ZFP64: variants seen among roughly 807,000 people sequenced by gnomAD.
ZFP64 encodes zinc finger protein 64.
A neutral mutation model predicts 51.6 loss-of-function variants in ZFP64; 14 were observed. The ratio of observed to expected loss-of-function variants is 0.27; its 90% confidence interval spans 0.18 to 0.42. The LOEUF is 0.42. Ranked by LOEUF, ZFP64 falls within the 10% of genes least tolerant of loss-of-function variation. ZFP64 has a pLI of 1.00. For missense variants in ZFP64, 754 were observed against 906.8 expected, an observed-to-expected ratio of 0.83 and a Z score of 2.16; for synonymous variants, 375 against 361.4, an observed-to-expected ratio of 1.04 and a Z score of -0.43.
intron 2 of ZFP64, among the ~76,000 whole-genome samples, chr20:52,173,599 CA>C (rs1982928260): frequency 6.6e-6 from 1 of 151,492 alleles, no homozygotes; most frequent in African/African-American, 2.4e-5. Context: ...AAAAACAAAA[CA>C]AAAAACTTCC....
At chr20:52,101,292 C>A (rs960665299) in intron 5 of ZFP64, among the ~76,000 whole-genome samples, 1 of 152,170 alleles carries the variant, frequency 6.6e-6, no homozygotes, top group Non-Finnish European at 1.5e-5. Flanking sequence ...GTTTCCCAGG[C>A]CTTACCCTAT....
intron 7 of ZFP64, among the ~76,000 whole-genome samples, chr20:52,092,011 A>T (rs1275412055): frequency 6.6e-6 from 1 of 151,882 alleles, no homozygotes; most frequent in African/African-American, 2.4e-5. Context: ...CAAACAAAAA[A>T]CCTATAGTCT....
chr20:52,092,572 G>A (rs1412027570), intron 7 of ZFP64, among the ~76,000 whole-genome samples: 3 of 152,180 alleles, frequency 2.0e-5, no homozygotes, highest in Non-Finnish European at 2.9e-5. Flanking sequence ...AAAACAGGCC[G>A]GGTGCAGTGG....
chr20:52,190,566 A>C (rs1296729670), intron 1 of ZFP64, among the ~76,000 whole-genome samples: 1 of 152,106 alleles, frequency 6.6e-6, no homozygotes, highest in African/African-American at 2.4e-5. Context: ...GTCCCCCAGC[A>C]TGTTACCTGC....
chr20:52,136,052 T>G (rs1374537408), intron 5 of ZFP64, among the ~76,000 whole-genome samples: 2 of 117,370 alleles, frequency 1.7e-5, no homozygotes, highest in African/African-American at 6.6e-5. Context: ...TGAGCCGAAA[T>G]CACACCACTG....
intron 5 of ZFP64, chr20:52,098,594 T>C (rs756701479): frequency 5.0e-6 from 8 of 1,614,070 alleles, no homozygotes; most frequent in South Asian, 1.1e-5. Flanking sequence ...GAAGCTGAAA[T>C]TGAGGCATAG....
chr20:52,155,202 T>G (rs1039527161), intron 5 of ZFP64, among the ~76,000 whole-genome samples: 2 of 152,150 alleles, frequency 1.3e-5, no homozygotes, highest in South Asian at 4.2e-4. Context: ...TAAAGAAGAG[T>G]GTAAAAGATA....
intron 8 of ZFP64, among the ~76,000 whole-genome samples, chr20:52,086,644 A>C (rs2078868059): frequency 6.6e-6 from 1 of 151,618 alleles, no homozygotes; most frequent in Non-Finnish European, 1.5e-5. Flanking sequence ...CGCCCAGCTA[A>C]TTTTTTTGTA....
At chr20:52,172,563 C>T (rs545971583) in intron 2 of ZFP64, among the ~76,000 whole-genome samples, 40 of 152,082 alleles carry the variant, frequency 2.6e-4, no homozygotes, top group African/African-American at 6.5e-4. Flanking sequence ...GAAGGTGAAA[C>T]GCCCCACATC....
chr20:52,115,722 G>T (rs995603845), intron 5 of ZFP64, among the ~76,000 whole-genome samples: 16 of 151,658 alleles, frequency 1.1e-4, no homozygotes, highest in African/African-American at 3.9e-4. Flanking sequence ...GCCTGTACTG[G>T]CTACATCTTA....
chr20:52,143,889 C>T (rs1187028579), intron 5 of ZFP64, among the ~76,000 whole-genome samples: 2 of 142,494 alleles, frequency 1.4e-5, no homozygotes, highest in Admixed American at 7.2e-5. Context: ...GATAGTGTTG[C>T]AAATAACTCA....
intron 2 of ZFP64, chr20:52,175,886 A>C: frequency 2.1e-6 from 2 of 957,592 alleles, no homozygotes; most frequent in Non-Finnish European, 2.4e-6. Flanking sequence ...AAAATAATTC[A>C]TTTTCTGAGA....
intron 5 of ZFP64, among the ~76,000 whole-genome samples, chr20:52,118,125 C>G: frequency 6.6e-6 from 1 of 152,204 alleles, no homozygotes; most frequent in Non-Finnish European, 1.5e-5. Context: ...GAAAAAGAAA[C>G]TAGTTAAGTT....
intron 5 of ZFP64, among the ~76,000 whole-genome samples, chr20:52,145,206 T>A (rs1359327724): frequency 6.6e-6 from 1 of 152,248 alleles, no homozygotes; most frequent in Non-Finnish European, 1.5e-5. Flanking sequence ...ATACAGTCGT[T>A]GCCACTTATC....
intron 5 of ZFP64, among the ~76,000 whole-genome samples, chr20:52,126,975 G>A (rs78271456): frequency 7.0e-6 from 1 of 142,860 alleles, no homozygotes; most frequent in Non-Finnish European, 1.5e-5. Flanking sequence ...TTTTTTTTAA[G>A]ACAGTCTTGC....
chr20:52,085,958 C>G lies in ZFP64; in HGVS notation c.1229-692G>C, dbSNP rs113450524. On this transcript the variant is annotated intron_variant, in intron 8 of 8. Coordinates refer to the ZFP64 transcript ENST00000361387. This position sits in a 1 kb window ranked among gnomAD's most constrained non-coding sequence, Gnocchi z 4.3. ...AGATAAGCATCTTATCCTACACACC[C>G]ATCCTTTCCCTAACCTCTCCCCTGC... Among the ~76,000 whole-genome samples the G allele has an allele frequency of 3.3e-4, 50 of 152,172 alleles. 1 individual carries two copies. Among genetic ancestry groups the G allele is most frequent in the Non-Finnish European group, 6.9e-4 (47 of 68,032 alleles).
At chr20:52,124,842 G>A (rs1023582350) in intron 5 of ZFP64, among the ~76,000 whole-genome samples, 3 of 151,716 alleles carry the variant, frequency 2.0e-5, no homozygotes, top group Non-Finnish European at 2.9e-5. Context: ...GGGCTCAGGC[G>A]ATCCTCCTGC....
intron 5 of ZFP64, among the ~76,000 whole-genome samples, chr20:52,155,644 C>A (rs1376540671): frequency 6.8e-6 from 1 of 146,358 alleles, no homozygotes; most frequent in Non-Finnish European, 1.5e-5. Flanking sequence ...ATTCCTTTGT[C>A]TTTTTTTTTT....
At position 52,126,937 on chromosome 20, in the gene ZFP64, A is replaced by G. The variant is rs562476286; in HGVS notation, c.764-28350T>C. Among the ~76,000 whole-genome samples, 5 of 148,868 alleles carry G rather than the reference A, an allele frequency of 3.4e-5. No individual in the cohort carries two copies. In the East Asian group the frequency reaches 5.9e-4, roughly 18 times the overall value. ...TTTTTTTTTTTTTTTAAAGGAAGTG[A>G]TATGGTTAGGCTTTGTCAGAATTTT... On this transcript the variant is annotated intron_variant, in intron 5 of 8. Coordinates refer to the ZFP64 transcript ENST00000361387.
Sources: allele counts gnomAD v4.1 joint callset (sites outside exome capture counted in the v4.1 genomes callset), GRCh38; gene constraint gnomAD v4.1.1; non-coding constraint Gnocchi (gnomAD v3.1); transcripts MANE v1.5; gene names NCBI Gene and HGNC (gene_info 2026-07-23, HGNC 2026-07-21).